POFUT3: variants seen among roughly 807,000 people sequenced by gnomAD.
The protein encoded by POFUT3 is GDP-fucose protein O-fucosyltransferase 3.
chr8:33,432,739 T>C, the POFUT3 span, among the ~76,000 whole-genome samples: 1 of 152,216 alleles, frequency 6.6e-6, no homozygotes, highest in African/African-American at 2.4e-5. Flanking sequence ...TAGAATACAT[T>C]AAAATGTGCA....
At chr8:33,430,474 T>C in the POFUT3 span, among the ~76,000 whole-genome samples, 2 of 152,060 alleles carry the variant, frequency 1.3e-5, no homozygotes, top group African/African-American at 4.8e-5. Flanking sequence ...AAAACTAGGG[T>C]TTAGTCACCT....
At chr8:33,447,088 C>T in the POFUT3 span, among the ~76,000 whole-genome samples, 1 of 152,206 alleles carries the variant, frequency 6.6e-6, no homozygotes, top group African/African-American at 2.4e-5. Context: ...AGAGATACTT[C>T]ATCGCTCGGG....
the POFUT3 span, among the ~76,000 whole-genome samples, chr8:33,424,157 G>A: frequency 2.0e-5 from 3 of 151,848 alleles, no homozygotes; most frequent in South Asian, 2.1e-4. Context: ...AAAAATATGA[G>A]AAAGAACATG....
chr8:33,345,021 T>G, the POFUT3 span, among the ~76,000 whole-genome samples: 189 of 152,344 alleles, frequency 1.2e-3, no homozygotes, highest in African/African-American at 4.3e-3. Context: ...TGAAATTGTC[T>G]AATGCAACTG....
the POFUT3 span, among the ~76,000 whole-genome samples, chr8:33,449,906 C>T: frequency 9.0e-5 from 13 of 144,716 alleles, no homozygotes; most frequent in Non-Finnish European, 1.7e-4. Flanking sequence ...AAATTTCTTA[C>T]TTTTTAAAGG....
At chr8:33,461,418 G>C in the POFUT3 span, 1 of 1,613,604 alleles carries the variant, frequency 6.2e-7, no homozygotes, top group Non-Finnish European at 8.5e-7. Flanking sequence ...GCACAGGCAA[G>C]ATGCCAAAAG....
chr8:33,402,578 A>C, the POFUT3 span, among the ~76,000 whole-genome samples: 1 of 152,110 alleles, frequency 6.6e-6, no homozygotes, highest in African/African-American at 2.4e-5. Flanking sequence ...AACAGCAAAA[A>C]ACTTGGTCCA....
chr8:33,331,762 G>A, the POFUT3 span, among the ~76,000 whole-genome samples: 4 of 151,846 alleles, frequency 2.6e-5, no homozygotes, highest in Non-Finnish European at 4.4e-5. Flanking sequence ...TGCAAGCTCC[G>A]CCTCCCGGGT....
At chr8:33,386,258 C>G in the POFUT3 span, among the ~76,000 whole-genome samples, 2 of 141,534 alleles carry the variant, frequency 1.4e-5, no homozygotes, top group Admixed American at 7.2e-5. Context: ...ATGTTTTATT[C>G]TGCTTTTCAA....
chr8:33,333,679 A>G, the POFUT3 span, among the ~76,000 whole-genome samples: 68 of 152,248 alleles, frequency 4.5e-4, no homozygotes, highest in African/African-American at 1.5e-3. Flanking sequence ...TGAACACTGA[A>G]TATAAGGAGG....
chr8:33,459,021 C>T, the POFUT3 span, among the ~76,000 whole-genome samples: 20 of 152,302 alleles, frequency 1.3e-4, no homozygotes, highest in Non-Finnish European at 1.5e-5. Context: ...ACTGTAACTA[C>T]TCATATCCAC....
chr8:33,405,768 C>A, the POFUT3 span, among the ~76,000 whole-genome samples: 1 of 152,180 alleles, frequency 6.6e-6, no homozygotes, highest in African/African-American at 2.4e-5. Flanking sequence ...AATAAATCAA[C>A]AAGCCAAGTG....
chr8:33,364,108 G>C, the POFUT3 span, among the ~76,000 whole-genome samples: 3 of 152,248 alleles, frequency 2.0e-5, no homozygotes, highest in East Asian at 5.8e-4. Flanking sequence ...ATGCTAGGCT[G>C]GTTCAACATA....
At chr8:33,435,381 C>A in the POFUT3 span, among the ~76,000 whole-genome samples, 1 of 151,970 alleles carries the variant, frequency 6.6e-6, no homozygotes, top group Non-Finnish European at 1.5e-5. Context: ...CCGCACCTGG[C>A]TAATTTTTGT....
chr8:33,462,367 A>G, the POFUT3 span, among the ~76,000 whole-genome samples: 29 of 152,140 alleles, frequency 1.9e-4, no homozygotes, highest in African/African-American at 7.0e-4. Context: ...AAAAATTACC[A>G]GGACTATCCA....
At chr8:33,313,086 T>C in the POFUT3 span, among the ~76,000 whole-genome samples, 2 of 152,136 alleles carry the variant, frequency 1.3e-5, no homozygotes, top group African/African-American at 2.4e-5. Context: ...AAATGGACAA[T>C]GAATGCCCAT....
the POFUT3 span, among the ~76,000 whole-genome samples, chr8:33,460,304 G>A: frequency 2.0e-5 from 3 of 151,946 alleles, no homozygotes; most frequent in East Asian, 1.9e-4. Context: ...GCAGTGAGCC[G>A]AGACTGCGCC....
chr8:33,449,607 G>A, the POFUT3 span, among the ~76,000 whole-genome samples: 2 of 151,838 alleles, frequency 1.3e-5, no homozygotes, highest in Non-Finnish European at 1.5e-5. Flanking sequence ...ACTTTTAAAA[G>A]GTGGTTTTAA....
At chr8:33,461,976 A>G in the POFUT3 span, among the ~76,000 whole-genome samples, 1 of 151,204 alleles carries the variant, frequency 6.6e-6, no homozygotes, top group African/African-American at 2.4e-5. Flanking sequence ...TCTGGCCAAC[A>G]TGGCAAAATC....
Sources: gnomAD v4.1 joint callset for allele counts (sites outside exome capture counted in the v4.1 genomes callset) on GRCh38, gnomAD v4.1.1 for gene constraint, MANE v1.5 for transcripts, NCBI Gene and HGNC (gene_info 2026-07-23, HGNC 2026-07-21) for gene names.